MYO1E: variants seen among roughly 807,000 people sequenced by gnomAD.
MYO1E encodes the protein unconventional myosin-Ie.
A neutral mutation model predicts 151.1 loss-of-function variants in MYO1E; 68 were observed. That is an observed-to-expected ratio of 0.45 (90% CI 0.37 to 0.55). The LOEUF is 0.55. Ranked by LOEUF, MYO1E falls within the 20% of genes least tolerant of loss-of-function variation. MYO1E has a pLI of 0.00. For missense variants in MYO1E, 1,363 were observed against 1,389.3 expected, an observed-to-expected ratio of 0.98 and a Z score of 0.30; for synonymous variants, 601 against 501.7, an observed-to-expected ratio of 1.20 and a Z score of -2.64.
intron 16 of MYO1E, among the ~76,000 whole-genome samples, chr15:59,200,163 ACCCTTGCTCTC>A (rs1265008456): frequency 2.6e-5 from 4 of 152,228 alleles, no homozygotes; most frequent in Admixed American, 6.5e-5. Flanking sequence ...AAGTGTCCCT[ACCCTTGCTCTC>A]CTTTTTATAG....
intron 2 of MYO1E, chr15:59,271,297 C>T (rs1345094031): frequency 6.6e-6 from 1 of 152,106 alleles, no homozygotes; most frequent in African/African-American, 2.4e-5. Flanking sequence ...ACTATTCTTC[C>T]CCAAGCTTTT....
chr15:59,243,778 C>A (rs2080113839), intron 4 of MYO1E, among the ~76,000 whole-genome samples: 1 of 151,672 alleles, frequency 6.6e-6, no homozygotes, highest in African/African-American at 2.4e-5. Flanking sequence ...TTGGAACTAA[C>A]AAATAATAAA....
rs528141651 is a variant in MYO1E at position 59,286,475 on chromosome 15, G to A, written c.4-14026C>T. ...CGTGGAAACTCCACAAGAGTATAAA[G>A]AGTTGGATTTTAAGGAGCGGTGACA... is the stretch of plus-strand genomic sequence containing the variant. On this transcript the variant is annotated intron_variant, in intron 1 of 27. Transcript: ENST00000288235. Among the ~76,000 whole-genome samples, 3 of 152,318 alleles carry A rather than the reference G, an allele frequency of 2.0e-5. No homozygotes were observed. The East Asian group carries it at 5.8e-4, about 29-fold the overall frequency.
intron 26 of MYO1E, among the ~76,000 whole-genome samples, chr15:59,144,532 C>T (rs948714516): frequency 6.6e-6 from 1 of 151,848 alleles, no homozygotes; most frequent in Non-Finnish European, 1.5e-5. Context: ...TGGGCTTAAG[C>T]GATCCTCCCA....
chr15:59,142,106 C>CA (rs201742555), intron 26 of MYO1E, among the ~76,000 whole-genome samples: 3,008 of 144,016 alleles, frequency 0.021, 47 homozygotes, highest in East Asian at 0.037. Context: ...GACTCCATCC[C>CA]AAAAAAAAAA....
At chr15:59,335,876 G>C (rs1203343212) in intron 1 of MYO1E, among the ~76,000 whole-genome samples, 2 of 151,938 alleles carry the variant, frequency 1.3e-5, no homozygotes, top group African/African-American at 4.8e-5. Context: ...TGAGTGTCAC[G>C]GACTATAAGC....
intron 25 of MYO1E, among the ~76,000 whole-genome samples, chr15:59,154,475 G>A (rs1357858071): frequency 2.6e-5 from 4 of 152,176 alleles, no homozygotes; most frequent in African/African-American, 7.2e-5. Flanking sequence ...TGGCAGACTC[G>A]GGCATTAGCA....
rs759537096 is a variant in MYO1E at position 59,218,065 on chromosome 15, C to T, written c.933G>A (p.Leu311=). 1.4e-5 allele frequency: 22 copies of T among 1,614,076 alleles called. No homozygotes were observed. The highest frequency in any genetic ancestry group is 1.8e-5 in the Non-Finnish European group (21 of 1,180,038). The change falls in exon 10 of 28, where the codon CTG becomes CTA. Residue 311 remains leucine, a synonymous_variant. Transcript: ENST00000288235. ...TCAACCGGTCCTGGTTTATCCCTAG[C>T]AGATATGCAGGAAAAGCTAAAACTG... The part of the protein sequence containing the change: ...SEEFLAFPAY[L]LGINQDRLKE...
chr15:59,333,303 A>T (rs2080709007), intron 1 of MYO1E, among the ~76,000 whole-genome samples: 1 of 151,890 alleles, frequency 6.6e-6, no homozygotes, highest in African/African-American at 2.4e-5. Context: ...GCAGTGGTGC[A>T]ATCTTGGCTG....
At chr15:59,317,592 T>C (rs1170944357) in intron 1 of MYO1E, among the ~76,000 whole-genome samples, 1 of 150,504 alleles carries the variant, frequency 6.6e-6, no homozygotes, top group Admixed American at 6.6e-5. Context: ...GCAGTGCTGA[T>C]AGTTTCAGTT....
chr15:59,245,438 A>G (rs1380633101), intron 4 of MYO1E, among the ~76,000 whole-genome samples: 1 of 152,192 alleles, frequency 6.6e-6, no homozygotes, highest in African/African-American at 2.4e-5. Flanking sequence ...CTCTTACTCA[A>G]TCAGTCAGCA....
Position 59,259,859 on chromosome 15 carries a change from G to C in MYO1E, c.237+1561C>G, listed in dbSNP as rs115497624. 3.4e-3 allele frequency among the ~76,000 whole-genome samples: 522 copies of C among 152,152 alleles called. 1 individual carries two copies. Among genetic ancestry groups the C allele is most frequent in the African/African-American group, 0.012 (492 of 41,512 alleles). On this transcript the variant is annotated intron_variant, in intron 3 of 27. Coordinates refer to ENST00000288235, the MANE Select transcript of MYO1E (RefSeq NM_004998.4). ...CCCCTGAGACTCTCAAAGTCATTAG[G>C]ACCTGACTTCAACTCCTAGCTCCAT...
At position 59,233,661 on chromosome 15, in the gene MYO1E, TAAAAAAA is replaced by T. The variant is rs11285934; in HGVS notation, c.421-1877_421-1871del. 6.4e-5 allele frequency among the ~76,000 whole-genome samples: 5 copies of T among 78,376 alleles called. No homozygotes were observed. The South Asian group carries it at 1.7e-3, about 27-fold the overall frequency. 51.4% of individuals were successfully genotyped at this position (78,376 alleles called of 152,430 possible). ...CCTGGCGACAGAGCGAGACTCCGTC[TAAAAAAA>T]AAAAAAAAAAAAAAAAAGGCAGCAA... On this transcript the variant is annotated intron_variant, in intron 5 of 27. Coordinates refer to ENST00000288235, the MANE Select transcript of MYO1E (RefSeq NM_004998.4).
At chr15:59,214,423 T>A in intron 11 of MYO1E, 109 bp from the exon 12 acceptor site, 2 of 926,050 alleles carry the variant, frequency 2.2e-6, no homozygotes, top group Non-Finnish European at 3.5e-6. Context: ...AATAGAAATG[T>A]TGGATGCATC....
At chr15:59,244,689 T>C (rs1050753189) in intron 4 of MYO1E, among the ~76,000 whole-genome samples, 2 of 152,238 alleles carry the variant, frequency 1.3e-5, no homozygotes, top group Non-Finnish European at 2.9e-5. Flanking sequence ...CACAACTTTG[T>C]CACATTTCAA....
chr15:59,214,769 A>G, intron 10 of MYO1E, 49 bp from the exon 11 acceptor site: 1 of 1,449,204 alleles, frequency 6.9e-7, no homozygotes, highest in Non-Finnish European at 9.7e-7. Context: ...ATTCATACTA[A>G]AAACGGGCAT....
chr15:59,213,141 TA>T (rs869192758), intron 12 of MYO1E, among the ~76,000 whole-genome samples: 7 of 20,410 alleles, frequency 3.4e-4, no homozygotes, highest in African/African-American at 6.4e-4. Context: ...ATTTATTTAT[TA>T]TTATTATTAT....
intron 1 of MYO1E, among the ~76,000 whole-genome samples, chr15:59,334,947 C>A (rs1429687905): frequency 3.3e-5 from 5 of 152,192 alleles, no homozygotes; most frequent in African/African-American, 1.2e-4. Flanking sequence ...AATTGCCAAG[C>A]AGACAAAGGA....
At chr15:59,274,385 T>C (rs1405939679) in intron 1 of MYO1E, among the ~76,000 whole-genome samples, 1 of 152,198 alleles carries the variant, frequency 6.6e-6, no homozygotes, top group Non-Finnish European at 1.5e-5. Flanking sequence ...AGATTTCCAT[T>C]GAATGCCCAT....
Sources: allele counts gnomAD v4.1 joint callset (sites outside exome capture counted in the v4.1 genomes callset), GRCh38; gene constraint gnomAD v4.1.1; transcripts MANE v1.5; gene names NCBI Gene and HGNC (gene_info 2026-07-23, HGNC 2026-07-21).